The following TAB2 variants were observed in gnomAD, a reference collection of about 807,000 sequenced individuals.
The protein encoded by TAB2 is TGF-beta activated kinase 1 (MAP3K7) binding protein 2, also known as TGF-beta-activated kinase 1 and MAP3K7-binding protein 2.
Under a neutral mutation model 65.0 loss-of-function variants are expected in TAB2, and 3 were observed. That is an observed-to-expected ratio of 0.05 (90% CI 0.02 to 0.12). The LOEUF is 0.12. Among genes scored for constraint, TAB2 ranks in the 10% least tolerant of loss-of-function variants. The pLI, the probability that TAB2 is intolerant of heterozygous loss-of-function variation, is 1.00. For synonymous variants in TAB2, 298 were observed against 285.1 expected, an observed-to-expected ratio of 1.05 and a Z score of -0.46; for missense variants, 623 against 840.3, an observed-to-expected ratio of 0.74 and a Z score of 3.20.
chr6:149,294,004 T>G (rs1778829551), intron 1 of TAB2, among the ~76,000 whole-genome samples: 1 of 152,136 alleles, frequency 6.6e-6, no homozygotes, highest in Non-Finnish European at 1.5e-5. Context: ...TTTAAAGTTA[T>G]AAGTGAAGAG....
At chr6:149,405,290 A>G (rs1782625275) in intron 6 of TAB2, among the ~76,000 whole-genome samples, 1 of 152,240 alleles carries the variant, frequency 6.6e-6, no homozygotes, top group Non-Finnish European at 1.5e-5. Context: ...GACAAAGAGA[A>G]AAGAGAACGC....
At chr6:149,338,403 T>C (rs1348796282) in intron 1 of TAB2, among the ~76,000 whole-genome samples, 2 of 152,130 alleles carry the variant, frequency 1.3e-5, no homozygotes, top group Non-Finnish European at 2.9e-5. Context: ...TTTTAAGGAA[T>C]GTTAATTACA....
intron 1 of TAB2, among the ~76,000 whole-genome samples, chr6:149,341,603 C>G (rs1419989591): frequency 6.6e-6 from 1 of 152,160 alleles, no homozygotes; most frequent in Non-Finnish European, 1.5e-5. Context: ...CAAAGCCATA[C>G]TGAAATCAGA....
At chr6:149,397,217 G>T (rs572470298) in intron 3 of TAB2, among the ~76,000 whole-genome samples, 3 of 152,198 alleles carry the variant, frequency 2.0e-5, no homozygotes, top group African/African-American at 4.8e-5. Context: ...CAAGGCAGGC[G>T]GATCACCTGG....
intron 3 of TAB2, among the ~76,000 whole-genome samples, chr6:149,385,701 C>T (rs542488316): frequency 6.6e-6 from 1 of 152,218 alleles, no homozygotes; most frequent in Admixed American, 6.5e-5. Context: ...GTCCACGTAC[C>T]CATCCAGCCT....
chr6:149,243,173 T>G (rs1450490173), intron 1 of TAB2: 1 of 152,194 alleles, frequency 6.6e-6, no homozygotes, highest in East Asian at 1.9e-4. Flanking sequence ...ATTATCTATG[T>G]CCAATCATGG....
intron 1 of TAB2, among the ~76,000 whole-genome samples, chr6:149,365,103 A>G (rs1020733908): frequency 6.6e-6 from 1 of 152,148 alleles, no homozygotes; most frequent in African/African-American, 2.4e-5. Context: ...GGAAGTTTAG[A>G]TGCCAGAACT....
chr6:149,400,345 G>C lies in TAB2; in HGVS notation c.1939+1161G>C, dbSNP rs139591747. 3 of 1,591,810 alleles carry C rather than the reference G, an allele frequency of 1.9e-6. No individual in the cohort carries two copies. The African/African-American group carries it at 4.0e-5, about 21-fold the overall frequency. On this transcript the variant is annotated intron_variant, in intron 6 of 6. Transcript: ENST00000637181. ...TCGTGTACTCGTTAGGTGCGGACCC[G>C]CCACCTCTTTTGTGAAGCAGCAGCT...
intron 1 of TAB2, among the ~76,000 whole-genome samples, chr6:149,231,378 G>C (rs1283850444): frequency 6.6e-6 from 1 of 152,232 alleles, no homozygotes; most frequent in East Asian, 1.9e-4. Context: ...GCATGCATCT[G>C]TGGTTATATA....
At chr6:149,402,759 A>G (rs1289951841) in intron 6 of TAB2, among the ~76,000 whole-genome samples, 2 of 152,198 alleles carry the variant, frequency 1.3e-5, no homozygotes, top group East Asian at 1.9e-4. Flanking sequence ...AACTGAGCAC[A>G]TTAAAAGGAC....
intron 1 of TAB2, among the ~76,000 whole-genome samples, chr6:149,231,125 G>T (rs1249201589): frequency 6.6e-6 from 1 of 152,204 alleles, no homozygotes; most frequent in African/African-American, 2.4e-5. Flanking sequence ...CACTAAACTT[G>T]CAGCCTCACC....
chr6:149,219,142 G>A (rs761169242), intron 1 of TAB2, among the ~76,000 whole-genome samples: 61 of 152,250 alleles, frequency 4.0e-4, no homozygotes, highest in Non-Finnish European at 6.2e-4. Flanking sequence ...GATAGTTAAA[G>A]GACATACAGA....
intron 6 of TAB2, 28 bp downstream of exon 6, chr6:149,399,212 T>G: frequency 6.2e-7 from 1 of 1,602,882 alleles, no homozygotes; most frequent in Non-Finnish European, 8.5e-7. Flanking sequence ...ATGTGAAAAC[T>G]GTTACTTTTG....
At chr6:149,351,921 A>G (rs1410705621) in intron 1 of TAB2, among the ~76,000 whole-genome samples, 1 of 152,162 alleles carries the variant, frequency 6.6e-6, no homozygotes, top group African/African-American at 2.4e-5. Context: ...TTCACCAGAA[A>G]ATTTTAGAAG....
At chr6:149,227,696 C>G (rs1409235551) in intron 1 of TAB2, among the ~76,000 whole-genome samples, 2 of 152,220 alleles carry the variant, frequency 1.3e-5, no homozygotes, top group South Asian at 4.1e-4. Flanking sequence ...AGATATAAGT[C>G]ATCCTTCCTG....
chr6:149,318,047 G>C (rs1010102356), intron 1 of TAB2, 32 bp downstream of exon 1: 1 of 158,212 alleles, frequency 6.3e-6, no homozygotes, highest in Non-Finnish European at 1.4e-5. Flanking sequence ...GCCTCGGCGG[G>C]ATCCCCAACC....
chr6:149,302,356 C>A (rs1171660077), intron 1 of TAB2, among the ~76,000 whole-genome samples: 1 of 152,036 alleles, frequency 6.6e-6, no homozygotes, highest in Non-Finnish European at 1.5e-5. Context: ...TCTAAAATAT[C>A]TATGTATATT....
At chr6:149,308,198 A>G (rs1779102353) in intron 1 of TAB2, among the ~76,000 whole-genome samples, 1 of 152,188 alleles carries the variant, frequency 6.6e-6, no homozygotes. Flanking sequence ...CACATCTTCA[A>G]ATGTACATCT....
intron 1 of TAB2, among the ~76,000 whole-genome samples, chr6:149,270,106 T>C (rs1021010051): frequency 1.3e-5 from 2 of 152,254 alleles, no homozygotes; most frequent in Non-Finnish European, 2.9e-5. Context: ...TAATGTTTGA[T>C]AATGTTGATT....
Sources: allele counts gnomAD v4.1 joint callset (sites outside exome capture counted in the v4.1 genomes callset), GRCh38; gene constraint gnomAD v4.1.1; transcripts MANE v1.5; gene names NCBI Gene and HGNC (gene_info 2026-07-23, HGNC 2026-07-21).